The following NSD3 variants were observed in gnomAD, a reference collection of about 807,000 sequenced individuals.
The protein encoded by NSD3 is nuclear receptor binding SET domain protein 3, also known as histone-lysine N-methyltransferase NSD3.
NSD3 carries 24 observed loss-of-function variants against 160.8 expected under a neutral mutation model. The observed-to-expected ratio is 0.15, with a 90% CI of 0.11 to 0.21. The LOEUF (loss-of-function observed/expected upper bound fraction) is 0.21. Ranked by LOEUF, NSD3 falls within the 10% of genes least tolerant of loss-of-function variation. NSD3 has a pLI of 1.00. For missense variants in NSD3, 1,157 were observed against 1,735.9 expected (o/e 0.67, Z 5.93); for synonymous variants, 520 against 600.0 (o/e 0.87, Z 1.95).
At chr8:38,333,154 A>T (rs1457620505) in intron 4 of NSD3, among the ~76,000 whole-genome samples, 2 of 152,260 alleles carry the variant, frequency 1.3e-5, no homozygotes, top group Non-Finnish European at 2.9e-5. Flanking sequence ...GTTTCCAAAC[A>T]TCAGAGTTAT....
chr8:38,340,040 A>T (rs943438513), intron 2 of NSD3, among the ~76,000 whole-genome samples: 1 of 152,182 alleles, frequency 6.6e-6, no homozygotes, highest in East Asian at 1.9e-4. Context: ...TGGGAATGAC[A>T]TGAGGGAAAT....
chr8:38,337,672 C>T, intron 3 of NSD3: 1 of 350,392 alleles, frequency 2.9e-6, no homozygotes. Context: ...TTCAATTATA[C>T]TTTGATACAG....
intron 2 of NSD3, 127 bp downstream of exon 2, chr8:38,347,370 C>T (rs769993214): frequency 3.4e-5 from 32 of 951,118 alleles, no homozygotes; most frequent in Non-Finnish European, 4.5e-5. Flanking sequence ...ATTCTGAGCA[C>T]GTTGCTAGTG....
chr8:38,309,014 C>G (rs558982180), intron 12 of NSD3, among the ~76,000 whole-genome samples: 1 of 150,902 alleles, frequency 6.6e-6, no homozygotes, highest in African/African-American at 2.4e-5. Flanking sequence ...TCATTAAGAA[C>G]AAGTCAGTCA....
At chr8:38,293,440 C>G (rs1249749486) in intron 16 of NSD3, among the ~76,000 whole-genome samples, 1 of 151,144 alleles carries the variant, frequency 6.6e-6, no homozygotes, top group Non-Finnish European at 1.5e-5. Context: ...GTCCCAGCTA[C>G]TCGGGGGGCT....
intron 5 of NSD3, among the ~76,000 whole-genome samples, chr8:38,330,442 G>C (rs1810029857): frequency 6.6e-6 from 1 of 152,002 alleles, no homozygotes; most frequent in South Asian, 2.1e-4. Flanking sequence ...GCATGGATGA[G>C]AAAAAAGGTA....
chr8:38,288,397 T>C lies in NSD3; in HGVS notation c.3501+90A>G, dbSNP rs993088350. 2.0e-6 allele frequency: 3 copies of C among 1,495,730 alleles called. No individual in the cohort carries two copies. Among genetic ancestry groups the C allele is most frequent in the Admixed American group, 4.5e-5 (2 of 44,274 alleles). The allele number at this position is 1,495,730 out of a possible 1,614,324, so 92.7% of individuals were successfully genotyped here. On this transcript the variant is annotated intron_variant, in intron 19 of 23. Coordinates refer to ENST00000317025, the MANE Select transcript of NSD3 (RefSeq NM_023034.2). The surrounding 1 kb of genome is among the most constrained non-coding windows in gnomAD (Gnocchi z 4.5). ...TTAACATTTTACCACAAATTCCTGC[T>C]GATTTTATCCCTAGAACTATACCCT...
In NSD3 at chr8:38,316,601, T is replaced by C; in HGVS notation, c.1856-559A>G. ...AATTGTTCATCTGAGACTTCCTTGG[T>C]GAAGTGGCATTTATTGTGACCATTA... On this transcript the variant is annotated intron_variant, in intron 9 of 23. Transcript: ENST00000317025. This position sits in a 1 kb window ranked among gnomAD's most constrained non-coding sequence, Gnocchi z 4.5. 9.5e-7 allele frequency: 1 copy of C among 1,052,068 alleles called. No homozygotes were observed. Among genetic ancestry groups the C allele is most frequent in the Non-Finnish European group, 1.1e-6 (1 of 870,908 alleles). 65.2% of individuals were successfully genotyped at this position (1,052,068 alleles called of 1,614,324 possible).
chr8:38,371,010 A>C (rs1268316807), intron 1 of NSD3, among the ~76,000 whole-genome samples: 1 of 152,118 alleles, frequency 6.6e-6, no homozygotes, highest in Non-Finnish European at 1.5e-5. Context: ...ACTGCCTAAA[A>C]GACCTTCAAC....
At chr8:38,344,462 T>A (rs994188227) in intron 2 of NSD3, among the ~76,000 whole-genome samples, 1 of 151,990 alleles carries the variant, frequency 6.6e-6, no homozygotes, top group Non-Finnish European at 1.5e-5. Context: ...TTAGTAGAGA[T>A]GGGGTTTCAC....
At chr8:38,292,022 A>G (rs982889488) in intron 16 of NSD3, among the ~76,000 whole-genome samples, 1 of 152,172 alleles carries the variant, frequency 6.6e-6, no homozygotes. Context: ...TTTAAAATGT[A>G]ATATAATTAA....
intron 4 of NSD3, among the ~76,000 whole-genome samples, chr8:38,336,806 T>C (rs1039000645): frequency 1.3e-5 from 2 of 152,134 alleles, no homozygotes; most frequent in Admixed American, 6.6e-5. Flanking sequence ...ATAGAAGCAC[T>C]CTGCAATTTA....
At chr8:38,341,427 A>C (rs917859121) in intron 2 of NSD3, among the ~76,000 whole-genome samples, 3 of 151,920 alleles carry the variant, frequency 2.0e-5, no homozygotes, top group Non-Finnish European at 4.4e-5. Flanking sequence ...AATCCCAGCT[A>C]CTTGGGAGGC....
At chr8:38,295,992 G>A in intron 15 of NSD3, 40 bp from the exon 16 acceptor site, 2 of 1,550,098 alleles carry the variant, frequency 1.3e-6, no homozygotes, top group Non-Finnish European at 1.7e-6. Context: ...GAGAAAAGAG[G>A]AGAGAGAAAA....
chr8:38,313,748 AC>A (rs1809589691), intron 12 of NSD3, among the ~76,000 whole-genome samples: 1 of 150,900 alleles, frequency 6.6e-6, no homozygotes, highest in Non-Finnish European at 1.5e-5. Context: ...AGATTGTGCC[AC>A]TGCACTCCAG....
At chr8:38,307,024 AGAATGGCGTCAACCCGG>A (rs1265271847) in intron 12 of NSD3, among the ~76,000 whole-genome samples, 1 of 151,484 alleles carries the variant, frequency 6.6e-6, no homozygotes, top group East Asian at 1.9e-4. Flanking sequence ...CAGAGGCAGG[AGAATGGCGTCAACCCGG>A]GAGGTGGAAC....
Position 38,382,255 on chromosome 8 carries a change from GC to G in NSD3, c.-502del. On this transcript the variant is annotated 5_prime_UTR_variant, in exon 1 of 24. Transcript: ENST00000317025. This position sits in a 1 kb window ranked among gnomAD's most constrained non-coding sequence, Gnocchi z 4.2. ...CGCCGCCGCCGCCTCTCCCGCCGCC[GC>G]CGCGCACAAAGCCCCCCCACCCCGA... is the stretch of plus-strand genomic sequence containing the variant. 1 of 168,144 alleles carries G rather than the reference GC, an allele frequency of 5.9e-6. No individual in the cohort carries two copies. The allele number at this position is 168,144 out of a possible 1,614,324, so 10.4% of individuals were successfully genotyped here.
chr8:38,288,558 A>G lies in NSD3; in HGVS notation c.3430T>C (p.Tyr1144His). The G allele has an allele frequency of 6.2e-7, 1 of 1,614,120 alleles. No individual in the cohort carries two copies. Among genetic ancestry groups the G allele is most frequent in the Non-Finnish European group, 8.5e-7 (1 of 1,180,028 alleles). The part of the protein sequence containing the change: ...CQNQCFTKRL[Y>H]PDAEIIKTER... ...GTTTTGATGATCTCTGCATCAGGGT[A>G]TAGTCTCTTTGTAAAGCACTGGTTC... Residue 1144 changes from tyrosine to histidine, a missense_variant, in exon 19 of 24, where the codon TAC (tyrosine) becomes CAC (histidine). By Grantham distance (83) the Tyr-to-His change is moderately conservative. This residue lies in a region of NSD3 where 222 missense variants were observed against 409.9 expected (regional missense o/e 0.54). Coordinates refer to ENST00000317025, the MANE Select transcript of NSD3 (RefSeq NM_023034.2). The surrounding 1 kb of genome is among the most constrained non-coding windows in gnomAD (Gnocchi z 4.5).
intron 1 of NSD3, among the ~76,000 whole-genome samples, chr8:38,375,767 A>G (rs1021508953): frequency 6.6e-6 from 1 of 152,082 alleles, no homozygotes; most frequent in African/African-American, 2.4e-5. Context: ...TAACAAATAA[A>G]TGAATCATCT....
Sources: gnomAD v4.1 joint callset for allele counts (sites outside exome capture counted in the v4.1 genomes callset) on GRCh38, gnomAD v4.1.1 for gene constraint, gnomAD v4.1.1 regional missense constraint, Gnocchi (gnomAD v3.1) non-coding constraint, MANE v1.5 for transcripts, NCBI Gene and HGNC (gene_info 2026-07-23, HGNC 2026-07-21) for gene names.